SYT1: variants seen among roughly 807,000 people sequenced by gnomAD.
SYT1 encodes synaptotagmin-1.
In SYT1, 8 loss-of-function variants were observed where a neutral mutation model predicts 44.8. The observed-to-expected ratio is 0.18, with a 90% CI of 0.10 to 0.32. The LOEUF (loss-of-function observed/expected upper bound fraction) is 0.32, where lower values mean the gene tolerates loss of function less well. Ranked by LOEUF, SYT1 falls within the 10% of genes least tolerant of loss-of-function variation. The probability of loss-of-function intolerance (pLI) is 1.00; values close to 1 mark genes in which losing one functional copy is unlikely to be tolerated. For synonymous variants in SYT1, 154 were observed against 188.8 expected (o/e 0.82, Z 1.51); for missense variants, 286 against 509.3 (o/e 0.56, Z 4.22).
chr12:79,190,589 GA>G (rs1873057649), intron 3 of SYT1, among the ~76,000 whole-genome samples: 1 of 152,090 alleles, frequency 6.6e-6, no homozygotes, highest in Admixed American at 6.6e-5. Context: ...CCGGCGCCAG[GA>G]AGAAACATCA....
intron 3 of SYT1, among the ~76,000 whole-genome samples, chr12:79,053,779 T>C (rs1049190357): frequency 6.6e-6 from 1 of 151,816 alleles, no homozygotes; most frequent in African/African-American, 2.4e-5. Context: ...TTTGCCTTAA[T>C]TGTTTTTGGA....
intron 8 of SYT1, among the ~76,000 whole-genome samples, chr12:79,343,292 G>A (rs1258192849): frequency 1.3e-5 from 2 of 152,186 alleles, no homozygotes; most frequent in Non-Finnish European, 2.9e-5. Flanking sequence ...AAATTTGGCT[G>A]TGCAAAGGAG....
At chr12:79,086,854 A>G (rs1877415968) in intron 3 of SYT1, among the ~76,000 whole-genome samples, 1 of 152,170 alleles carries the variant, frequency 6.6e-6, no homozygotes, top group Admixed American at 6.6e-5. Context: ...ATGGCCGGGT[A>G]TTCTTGGTAG....
chr12:79,072,943 A>C (rs1170996284), intron 3 of SYT1, among the ~76,000 whole-genome samples: 1 of 152,134 alleles, frequency 6.6e-6, no homozygotes, highest in East Asian at 1.9e-4. Flanking sequence ...AAACGGGATG[A>C]ATAATAGATA....
chr12:79,159,162 G>A (rs569038302), intron 3 of SYT1, among the ~76,000 whole-genome samples: 1 of 152,302 alleles, frequency 6.6e-6, no homozygotes, highest in South Asian at 2.1e-4. Context: ...GGTTTCCAAA[G>A]CAAGGAAAGA....
At chr12:79,409,155 A>C (rs1049291043) in intron 9 of SYT1, among the ~76,000 whole-genome samples, 1 of 152,130 alleles carries the variant, frequency 6.6e-6, no homozygotes, top group Non-Finnish European at 1.5e-5. Context: ...TTCCAGAACC[A>C]CCATGTTGTG....
At chr12:79,212,147 G>A (rs1272950525) in intron 3 of SYT1, among the ~76,000 whole-genome samples, 1 of 151,924 alleles carries the variant, frequency 6.6e-6, no homozygotes, top group Non-Finnish European at 1.5e-5. Context: ...TAAAGAAAAT[G>A]TGGCACATAT....
At chr12:78,934,055 G>A (rs1323390019) in intron 1 of SYT1, among the ~76,000 whole-genome samples, 7 of 151,918 alleles carry the variant, frequency 4.6e-5, no homozygotes, top group Non-Finnish European at 1.5e-5. Flanking sequence ...ATGGATGCCT[G>A]AACCACAGAT....
chr12:79,349,803 T>C (rs980678327), intron 8 of SYT1, among the ~76,000 whole-genome samples: 1 of 152,168 alleles, frequency 6.6e-6, no homozygotes, highest in Non-Finnish European at 1.5e-5. Context: ...TTATATTAAA[T>C]GTTTATAAAT....
intron 1 of SYT1, among the ~76,000 whole-genome samples, chr12:78,910,096 A>C (rs143561707): frequency 5.3e-5 from 8 of 152,042 alleles, no homozygotes; most frequent in African/African-American, 1.9e-4. Context: ...ATCTAGAAAT[A>C]AATTAGAAAT....
chr12:78,979,886 A>T (rs1026596135), intron 2 of SYT1, among the ~76,000 whole-genome samples: 1 of 152,052 alleles, frequency 6.6e-6, no homozygotes, highest in Non-Finnish European at 1.5e-5. Flanking sequence ...TGTAAATAAC[A>T]AGTCTATCTT....
intron 4 of SYT1, among the ~76,000 whole-genome samples, chr12:79,224,765 T>C (rs1382740206): frequency 1.2e-4 from 2 of 16,372 alleles, no homozygotes; most frequent in Admixed American, 1.6e-3. Context: ...TTATTATTAT[T>C]ATTATTATTA....
intron 9 of SYT1, among the ~76,000 whole-genome samples, chr12:79,418,823 C>T (rs929070550): frequency 3.3e-5 from 5 of 151,922 alleles, no homozygotes; most frequent in African/African-American, 4.8e-5. Flanking sequence ...TATCAGAGCC[C>T]GAGAGATAAG....
chr12:78,891,120 C>A (rs1875029564), intron 1 of SYT1, among the ~76,000 whole-genome samples: 1 of 151,798 alleles, frequency 6.6e-6, no homozygotes, highest in South Asian at 2.1e-4. Flanking sequence ...TTGTTTTCAT[C>A]TATCAGATCA....
intron 8 of SYT1, among the ~76,000 whole-genome samples, chr12:79,311,935 G>T (rs1321615325): frequency 6.7e-6 from 1 of 148,894 alleles, no homozygotes; most frequent in African/African-American, 2.5e-5. Flanking sequence ...GAGTTAATGG[G>T]TGCAGCACAC....
At chr12:79,127,999 G>T (rs1002891302) in intron 3 of SYT1, among the ~76,000 whole-genome samples, 1 of 152,186 alleles carries the variant, frequency 6.6e-6, no homozygotes, top group Non-Finnish European at 1.5e-5. Context: ...AACAGAAACA[G>T]TCATAATATA....
At chr12:79,266,653 T>C (rs1878145710) in intron 4 of SYT1, among the ~76,000 whole-genome samples, 1 of 152,132 alleles carries the variant, frequency 6.6e-6, no homozygotes, top group African/African-American at 2.4e-5. Flanking sequence ...TCAAGGATCA[T>C]GGGAGTTGTA....
chr12:79,183,982 A>G (rs1318885506), intron 3 of SYT1, among the ~76,000 whole-genome samples: 2 of 151,932 alleles, frequency 1.3e-5, no homozygotes, highest in South Asian at 2.1e-4. Context: ...GCCAGCCACC[A>G]TTTTTCTAGC....
intron 1 of SYT1, among the ~76,000 whole-genome samples, chr12:78,915,325 C>A (rs1483692482): frequency 6.6e-6 from 1 of 151,946 alleles, no homozygotes. Context: ...TAAGATATAG[C>A]CCCAGAAGTA....
Sources: gnomAD v4.1 joint callset for allele counts (sites outside exome capture counted in the v4.1 genomes callset) on GRCh38, gnomAD v4.1.1 for gene constraint, MANE v1.5 for transcripts, NCBI Gene and HGNC (gene_info 2026-07-23, HGNC 2026-07-21) for gene names.